Variants in LRP1B observed in about 807,000 individuals in gnomAD.
LRP1B encodes the protein low-density lipoprotein receptor-related protein 1B.
A neutral mutation model predicts 556.6 loss-of-function variants in LRP1B; 217 were observed. That is an observed-to-expected ratio of 0.39 (90% confidence interval 0.35 to 0.44). LRP1B has a LOEUF of 0.44. Ranked by LOEUF, LRP1B falls within the 20% of genes least tolerant of loss-of-function variation. The pLI, the probability that LRP1B is intolerant of heterozygous loss-of-function variation, is 1.00. For missense variants in LRP1B, 5,053 were observed against 5,620.8 expected, an observed-to-expected ratio of 0.90 and a Z score of 3.23; for synonymous variants, 2,047 against 1,865.8, an observed-to-expected ratio of 1.10 and a Z score of -2.50.
intron 43 of LRP1B, among the ~76,000 whole-genome samples, chr2:140,543,404 A>G (rs1680208907): frequency 1.3e-5 from 2 of 152,150 alleles, no homozygotes; most frequent in South Asian, 2.1e-4. Context: ...TGGTTAATAC[A>G]TCATGATAAA....
intron 2 of LRP1B, among the ~76,000 whole-genome samples, chr2:141,626,443 A>C (rs1314750633): frequency 2.0e-5 from 3 of 152,226 alleles, no homozygotes; most frequent in African/African-American, 7.2e-5. Context: ...CCAACTATGA[A>C]TGTAATAATT....
intron 1 of LRP1B, among the ~76,000 whole-genome samples, chr2:142,100,026 T>A (rs1706515217): frequency 6.6e-6 from 1 of 151,948 alleles, no homozygotes; most frequent in Non-Finnish European, 1.5e-5. Context: ...AATTGTTGAT[T>A]CTAATTTCAC....
chr2:141,372,644 T>A (rs372106890), intron 3 of LRP1B, among the ~76,000 whole-genome samples: 1 of 152,100 alleles, frequency 6.6e-6, no homozygotes, highest in East Asian at 1.9e-4. Flanking sequence ...TTATTTCCTC[T>A]ATCTTTTCTA....
At position 140,239,472 on chromosome 2, in the gene LRP1B, A is replaced by G. The variant is rs139299426; in HGVS notation, c.13385T>C (p.Ile4462Thr). ...LLVTLITTLV[I>T]GLVLCKRKRR... Reference sequence around the variant, plus strand: ...TTTTCTTTTACAAAGCACTAAACCAATTACTAAGGTGGTTATCAAAGTCAC... The same window carrying G: ...TTTTCTTTTACAAAGCACTAAACCAGTTACTAAGGTGGTTATCAAAGTCAC... Residue 4462 changes from isoleucine to threonine, a missense_variant, in exon 88 of 91, where the codon ATT (isoleucine) becomes ACT (threonine). Ile to Thr is a moderately conservative substitution (Grantham distance 89, BLOSUM62 -1). Around this residue, in one of 5 missense-constraint regions of LRP1B, gnomAD observed 551 missense variants for 592.0 expected, o/e 0.93. Transcript: ENST00000389484. The G allele has an allele frequency of 6.9e-6, 11 of 1,603,978 alleles. No homozygotes were observed. The Admixed American group carries it at 1.3e-4, about 20-fold the overall frequency.
chr2:141,385,100 T>C (rs534808015), intron 3 of LRP1B, among the ~76,000 whole-genome samples: 235 of 152,276 alleles, frequency 1.5e-3, no homozygotes, highest in African/African-American at 5.1e-3. Context: ...GGAGCTGAAT[T>C]TTTGTACGCC....
At chr2:141,323,238 C>T (rs940134815) in intron 3 of LRP1B, among the ~76,000 whole-genome samples, 4 of 151,966 alleles carry the variant, frequency 2.6e-5, no homozygotes, top group Admixed American at 6.6e-5. Flanking sequence ...GATAAATTTA[C>T]GTAGTTCCAT....
chr2:141,495,787 C>T (rs916493576), intron 2 of LRP1B, among the ~76,000 whole-genome samples: 2 of 151,926 alleles, frequency 1.3e-5, no homozygotes, highest in African/African-American at 4.8e-5. Flanking sequence ...CTATAAGCAA[C>T]AAATATATAA....
intron 60 of LRP1B, among the ~76,000 whole-genome samples, chr2:140,474,055 C>T (rs1285313954): frequency 6.6e-6 from 1 of 151,906 alleles, no homozygotes; most frequent in African/African-American, 2.4e-5. Context: ...GTAAGTGACT[C>T]ATCCAACTAC....
chr2:140,897,966 C>T (rs1230718835), intron 23 of LRP1B, among the ~76,000 whole-genome samples: 3 of 152,126 alleles, frequency 2.0e-5, no homozygotes, highest in African/African-American at 4.8e-5. Context: ...ATTCATCTAT[C>T]CTATTAGTTC....
intron 41 of LRP1B, among the ~76,000 whole-genome samples, chr2:140,694,910 A>G (rs921846955): frequency 1.3e-4 from 20 of 151,708 alleles, no homozygotes; most frequent in African/African-American, 4.6e-4. Flanking sequence ...AAGATATTCA[A>G]TTGTTTTAAT....
intron 77 of LRP1B, among the ~76,000 whole-genome samples, chr2:140,347,294 C>T (rs1036456253): frequency 1.3e-5 from 2 of 149,320 alleles, no homozygotes; most frequent in African/African-American, 4.9e-5. Flanking sequence ...ATTTCTTAAA[C>T]GAAAAAAAAA....
intron 3 of LRP1B, among the ~76,000 whole-genome samples, chr2:141,452,574 T>C (rs1156472210): frequency 6.6e-6 from 1 of 152,204 alleles, no homozygotes; most frequent in Non-Finnish European, 1.5e-5. Flanking sequence ...AAAGCTAGCA[T>C]CGATTACACA....
At chr2:140,975,463 T>C (rs905297320) in intron 18 of LRP1B, among the ~76,000 whole-genome samples, 1 of 152,220 alleles carries the variant, frequency 6.6e-6, no homozygotes, top group Non-Finnish European at 1.5e-5. Flanking sequence ...CCATGTCTCC[T>C]CTCTGCCTGA....
chr2:140,786,549 A>T (rs892919769), intron 32 of LRP1B, among the ~76,000 whole-genome samples: 1 of 151,764 alleles, frequency 6.6e-6, no homozygotes, highest in African/African-American at 2.4e-5. Flanking sequence ...CTCTGGAAAA[A>T]TCTCTTTCTT....
At chr2:140,875,035 AG>A (rs1245984773) in intron 25 of LRP1B, among the ~76,000 whole-genome samples, 1 of 150,398 alleles carries the variant, frequency 6.6e-6, no homozygotes, top group Non-Finnish European at 1.5e-5. Flanking sequence ...AAAAAAAAAA[AG>A]GACACCAAGT....
intron 2 of LRP1B, among the ~76,000 whole-genome samples, chr2:141,654,073 AC>A (rs1313120980): frequency 6.6e-6 from 1 of 152,206 alleles, no homozygotes; most frequent in Non-Finnish European, 1.5e-5. Flanking sequence ...TAGAAACACT[AC>A]TAAGAATTAG....
At position 140,352,989 on chromosome 2, in the gene LRP1B, T is replaced by C; in HGVS notation, c.11614A>G (p.Asn3872Asp). ...EGSYKCVCDQ[N>D]FQERNNTCIA... ...CAGGTGTTATTTCTTTCTTGAAAATTCTGGTCACACACACATTTATATGAT... is the reference window on the plus strand; with the variant it reads ...CAGGTGTTATTTCTTTCTTGAAAATCCTGGTCACACACACATTTATATGAT... Residue 3872 changes from asparagine (N) to aspartate (D), a missense_variant, in exon 76 of 91, where the codon AAT becomes GAT. Coordinates refer to ENST00000389484, the MANE Select transcript of LRP1B (RefSeq NM_018557.3). 6.2e-7 allele frequency: 1 copy of C among 1,612,920 alleles called. No individual in the cohort carries two copies. The highest frequency in any genetic ancestry group is 2.2e-5 in the East Asian group (1 of 44,656).
chr2:141,754,004 A>G (rs574576225), intron 2 of LRP1B, among the ~76,000 whole-genome samples: 6 of 152,300 alleles, frequency 3.9e-5, no homozygotes, highest in African/African-American at 1.4e-4. Context: ...ACTTCCCCAT[A>G]CCAGGTCATA....
At position 140,840,991 on chromosome 2, in the gene LRP1B, C is replaced by T. The variant is rs188652809; in HGVS notation, c.5041G>A (p.Asp1681Asn). The T allele has an allele frequency of 1.9e-6, 3 of 1,613,552 alleles. No homozygotes were observed. The Admixed American group carries it at 5.0e-5, about 27-fold the overall frequency. ...ATAATTGAGGTTTTCAAAGAGCCAT[C>T]TAGCCTTGCCACATTAATTTGCGTT... ...DETQINVARL[D>N]GSLKTSIIHG... The change falls in exon 30 of 91, where the codon GAT (aspartate) becomes AAT (asparagine). Residue 1681 changes from aspartate (D) to asparagine (N), a missense_variant. Physicochemically the swap from Asp to Asn is conservative, Grantham distance 23. Coordinates refer to ENST00000389484, the MANE Select transcript of LRP1B (RefSeq NM_018557.3).
Sources: allele counts gnomAD v4.1 joint callset (sites outside exome capture counted in the v4.1 genomes callset), GRCh38; gene constraint gnomAD v4.1.1; regional missense constraint gnomAD v4.1.1; transcripts MANE v1.5; gene names NCBI Gene and HGNC (gene_info 2026-07-23, HGNC 2026-07-21).